Variants in KIF20B observed in about 807,000 individuals in gnomAD.
KIF20B encodes the protein kinesin-like protein KIF20B.
A neutral mutation model predicts 232.5 loss-of-function variants in KIF20B; 188 were observed. The observed-to-expected ratio is 0.81, with a 90% CI of 0.72 to 0.91. The LOEUF (loss-of-function observed/expected upper bound fraction) is 0.91. Among genes scored for constraint, KIF20B ranks in the 40% least tolerant of loss-of-function variants. KIF20B has a pLI of 0.00. For synonymous variants in KIF20B, 712 were observed against 683.0 expected, an observed-to-expected ratio of 1.04 and a Z score of -0.66; for missense variants, 2,154 against 2,055.9, an observed-to-expected ratio of 1.05 and a Z score of -0.92.
intron 29 of KIF20B, 106 bp from the exon 30 acceptor site, chr10:89,768,184 C>A: frequency 1.4e-6 from 1 of 710,174 alleles, no homozygotes; most frequent in Non-Finnish European, 2.4e-6. Flanking sequence ...GGTTAAGAGT[C>A]ACTGTTTTAA....
rs1215858463 is a variant in KIF20B at position 89,737,864 on chromosome 10, A to G, written c.3023A>G (p.Asn1008Ser). 3.7e-6 allele frequency: 6 copies of G among 1,613,464 alleles called. No individual in the cohort carries two copies. The highest frequency in any genetic ancestry group is 3.3e-5 in the Admixed American group (2 of 59,994). The stretch of plus-strand genomic sequence containing the variant: ...CAGATTTCAAACATAGATTTGCTCA[A>G]TCTCAGGGATCTGTCAAATGGTTCT... ...VSQISNIDLL[N>S]LRDLSNGSEE... Residue 1008 changes from asparagine (N) to serine (S), a missense_variant, in exon 20 of 33, where the codon AAT becomes AGT. Physicochemically the swap from Asn to Ser is conservative, Grantham distance 46. Coordinates refer to ENST00000371728, the MANE Select transcript of KIF20B (RefSeq NM_001284259.2).
At chr10:89,752,465 C>T in intron 24 of KIF20B, 102 bp from the exon 25 acceptor site, 1 of 776,084 alleles carries the variant, frequency 1.3e-6, no homozygotes, top group East Asian at 3.4e-5. Context: ...TGTTCTTTAT[C>T]TGGGCTCTAC....
intron 23 of KIF20B, among the ~76,000 whole-genome samples, chr10:89,746,560 T>C (rs1841915174): frequency 6.6e-6 from 1 of 152,204 alleles, no homozygotes; most frequent in Non-Finnish European, 1.5e-5. Flanking sequence ...TGCCAGGGTC[T>C]CAGGGTTTTT....
At chr10:89,728,261 G>A (rs1295071251) in intron 17 of KIF20B, among the ~76,000 whole-genome samples, 1 of 151,968 alleles carries the variant, frequency 6.6e-6, no homozygotes, top group Non-Finnish European at 1.5e-5. Context: ...GAAAATAGTA[G>A]ACACTAGTTG....
At chr10:89,714,567 C>G (rs1419456677) in intron 7 of KIF20B, among the ~76,000 whole-genome samples, 1 of 152,002 alleles carries the variant, frequency 6.6e-6, no homozygotes, top group Admixed American at 6.5e-5. Flanking sequence ...ATGACATAGT[C>G]GGTGATACCT....
At chr10:89,757,061 T>TAC (rs1564673591) in intron 26 of KIF20B, among the ~76,000 whole-genome samples, 18 of 136,994 alleles carry the variant, frequency 1.3e-4, no homozygotes, top group African/African-American at 4.4e-4. Context: ...TATATATATA[T>TAC]ATATATATAC....
chr10:89,709,982 C>A lies in KIF20B; in HGVS notation c.407C>A (p.Pro136Gln). 6.2e-7 allele frequency: 1 copy of A among 1,611,292 alleles called. No individual in the cohort carries two copies. The highest frequency in any genetic ancestry group is 1.1e-5 in the South Asian group (1 of 90,316). ...TTCTTTCAGGGTTGCATTATGCAAC[C>A]AGTAAAAGACCTCTTGAAAGGACAG... ...KEFFQGCIMQ[P>Q]VKDLLKGQSR... The change falls in exon 5 of 33, where the codon CCA (proline) becomes CAA (glutamine). Residue 136 changes from proline to glutamine, a missense_variant. Physicochemically the swap from Pro to Gln is moderately conservative, Grantham distance 76. Coordinates refer to ENST00000371728, the MANE Select transcript of KIF20B (RefSeq NM_001284259.2).
chr10:89,707,668 A>G (rs1476741133), intron 2 of KIF20B, among the ~76,000 whole-genome samples: 2 of 149,742 alleles, frequency 1.3e-5, no homozygotes, highest in South Asian at 2.1e-4. Context: ...TTCACACCCA[A>G]TTACACCAGC....
chr10:89,767,433 T>C (rs1011831378), intron 29 of KIF20B, among the ~76,000 whole-genome samples: 1 of 151,100 alleles, frequency 6.6e-6, no homozygotes, highest in African/African-American at 2.4e-5. Flanking sequence ...CTCTTTTCAC[T>C]GGCATCCTAT....
At chr10:89,748,382 C>T (rs1841960283) in intron 23 of KIF20B, among the ~76,000 whole-genome samples, 1 of 152,138 alleles carries the variant, frequency 6.6e-6, no homozygotes, top group South Asian at 2.1e-4. Flanking sequence ...CCTCATTACC[C>T]CTTAACTTCT....
intron 29 of KIF20B, among the ~76,000 whole-genome samples, chr10:89,766,601 C>T (rs1309337282): frequency 1.3e-5 from 2 of 152,058 alleles, no homozygotes; most frequent in African/African-American, 4.8e-5. Flanking sequence ...TTTAAAGTAA[C>T]TTGTTTTAAG....
chr10:89,703,968 G>T (rs1034478544), intron 1 of KIF20B, among the ~76,000 whole-genome samples: 5 of 152,246 alleles, frequency 3.3e-5, no homozygotes, highest in East Asian at 1.9e-4. Context: ...GGCCAGGAGG[G>T]TCTCGATCTC....
At chr10:89,718,243 G>C (rs1842975742) in intron 11 of KIF20B, among the ~76,000 whole-genome samples, 1 of 152,148 alleles carries the variant, frequency 6.6e-6, no homozygotes, top group Non-Finnish European at 1.5e-5. Flanking sequence ...AAAACAAACA[G>C]CCAGGCATGG....
intron 31 of KIF20B, 47 bp from the exon 32 acceptor site, chr10:89,772,642 C>T: frequency 2.4e-6 from 3 of 1,229,354 alleles, no homozygotes; most frequent in South Asian, 1.5e-5. Flanking sequence ...ATCACCTTTG[C>T]AATTAGAAAA....
In KIF20B at chr10:89,726,356, A is replaced by T. The variant is rs551492524; in HGVS notation, c.2065A>T (p.Ile689Phe). The T allele has an allele frequency of 1.1e-5, 17 of 1,555,938 alleles. No homozygotes were observed. In the African/African-American group the frequency reaches 2.3e-4, roughly 21 times the overall value. ...IDSLQDNVAD[I>F]KKQAEIAHLY... ...TTCTCTTCAAGATAATGTTGCTGAT[A>T]TTAAGAAACAGGCTGAAATTGCTCA... The change falls in exon 16 of 33, where the codon ATT becomes TTT. Residue 689 changes from isoleucine (I) to phenylalanine (F), a missense_variant. By Grantham distance (21) the Ile-to-Phe change is conservative (BLOSUM62 0). Coordinates refer to ENST00000371728, the MANE Select transcript of KIF20B (RefSeq NM_001284259.2).
At chr10:89,712,952 G>GT (rs1842863016) in intron 6 of KIF20B, among the ~76,000 whole-genome samples, 1 of 152,162 alleles carries the variant, frequency 6.6e-6, no homozygotes, top group Non-Finnish European at 1.5e-5. Flanking sequence ...GGAGTTCAAA[G>GT]TTGAGTCTGT....
At chr10:89,718,660 T>A (rs1438945038) in intron 11 of KIF20B, 50 bp from the exon 12 acceptor site, 11 of 1,409,570 alleles carry the variant, frequency 7.8e-6, no homozygotes, top group Non-Finnish European at 1.1e-5. Flanking sequence ...CACCCTGATT[T>A]CATGAGATGT....
chr10:89,756,267 A>C (rs1389605386), intron 26 of KIF20B, among the ~76,000 whole-genome samples: 1 of 152,220 alleles, frequency 6.6e-6, no homozygotes, highest in Non-Finnish European at 1.5e-5. Context: ...AAGTTACAGA[A>C]CTAGCACATA....
intron 21 of KIF20B, among the ~76,000 whole-genome samples, chr10:89,741,710 G>A (rs766444526): frequency 3.9e-5 from 6 of 152,098 alleles, no homozygotes; most frequent in Non-Finnish European, 8.8e-5. Context: ...CCAACCATGA[G>A]CTGAAAATAC....
Sources: gnomAD v4.1 joint callset for allele counts (sites outside exome capture counted in the v4.1 genomes callset) on GRCh38, gnomAD v4.1.1 for gene constraint, MANE v1.5 for transcripts, NCBI Gene and HGNC (gene_info 2026-07-23, HGNC 2026-07-21) for gene names.